DYRK1A: variants seen among roughly 807,000 people sequenced by gnomAD.
DYRK1A encodes the protein dual specificity tyrosine phosphorylation regulated kinase 1A.
In DYRK1A, 9 loss-of-function variants were observed where a neutral mutation model predicts 79.7. The observed-to-expected ratio is 0.11, with a 90% CI of 0.07 to 0.20. The LOEUF (loss-of-function observed/expected upper bound fraction) is 0.20. DYRK1A is among the 10% of genes least tolerant of loss of function. DYRK1A has a pLI of 1.00. For synonymous variants in DYRK1A, 349 were observed against 329.7 expected, an observed-to-expected ratio of 1.06 and a Z score of -0.63; for missense variants, 622 against 956.0, an observed-to-expected ratio of 0.65 and a Z score of 4.61.
chr21:37,495,192 GTGTGTGTGT>G (rs1569384157), intron 8 of DYRK1A, among the ~76,000 whole-genome samples: 70 of 125,366 alleles, frequency 5.6e-4, no homozygotes, highest in African/African-American at 2.0e-3. Context: ...GTGTGTGTGT[GTGTGTGTGT>G]GGTTATTTAA....
intron 4 of DYRK1A, among the ~76,000 whole-genome samples, chr21:37,479,612 GTTTTTTGTTTTT>G (rs1401422601): frequency 1.7e-4 from 8 of 47,158 alleles, no homozygotes; most frequent in African/African-American, 6.8e-4. Context: ...TTTTGTTTTT[GTTTTTTGTTTTT>G]TTTTTTTTTT....
intron 8 of DYRK1A, among the ~76,000 whole-genome samples, chr21:37,494,427 T>C (rs1175842389): frequency 6.6e-6 from 1 of 152,024 alleles, no homozygotes; most frequent in Admixed American, 6.6e-5. Flanking sequence ...TCTCTCCTTC[T>C]CCCCTCACTC....
At chr21:37,509,923 C>T (rs550366394) in intron 11 of DYRK1A, among the ~76,000 whole-genome samples, 3 of 152,306 alleles carry the variant, frequency 2.0e-5, no homozygotes, top group Non-Finnish European at 2.9e-5. Context: ...ATGAGTAGCA[C>T]GATGAAATCT....
rs2053915781 is a variant in DYRK1A at position 37,519,669 on chromosome 21, A to G, written c.*7138A>G. 6.7e-6 allele frequency: 1 copy of G among 150,176 alleles called. No homozygotes were observed. The highest frequency in any genetic ancestry group is 1.5e-5 in the Non-Finnish European group (1 of 67,754). The allele number at this position is 150,176 out of a possible 1,614,324, so 9.3% of individuals were successfully genotyped here. A position where few individuals can be genotyped will look rare whatever the true frequency, so the allele number is the denominator to read the frequency against. On this transcript the variant is annotated 3_prime_UTR_variant, in exon 12 of 12. Coordinates refer to ENST00000647188, the MANE Select transcript of DYRK1A (RefSeq NM_001347721.2). The stretch of plus-strand genomic sequence containing the variant: ...TGGGACTAGGTGTTAACATTCCTTT[A>G]CTAGTTGGTTTTGCATACCGCACAG...
intron 1 of DYRK1A, chr21:37,368,046 C>T (rs900912295): frequency 1.3e-5 from 2 of 153,040 alleles, no homozygotes; most frequent in Non-Finnish European, 2.9e-5. Context: ...GGGTGATTCG[C>T]AAGGACAATG....
chr21:37,385,449 G>C (rs1349296540), intron 1 of DYRK1A, among the ~76,000 whole-genome samples: 1 of 152,180 alleles, frequency 6.6e-6, no homozygotes, highest in Non-Finnish European at 1.5e-5. Context: ...TCAGTTTCTT[G>C]CCATGTGGTC....
chr21:37,457,623 CAG>C (rs761877487), intron 2 of DYRK1A, among the ~76,000 whole-genome samples: 24 of 152,126 alleles, frequency 1.6e-4, no homozygotes, highest in African/African-American at 3.9e-4. Flanking sequence ...TGTAAATAAT[CAG>C]TGTTTTAATT....
chr21:37,366,476 C>A (rs996006642), upstream of DYRK1A, among the ~76,000 whole-genome samples: 1 of 148,994 alleles, frequency 6.7e-6, no homozygotes, highest in Non-Finnish European at 1.5e-5. Flanking sequence ...GCCTCGCCCC[C>A]CCTTCCCCAG....
chr21:37,424,713 T>G (rs959093382), intron 2 of DYRK1A, among the ~76,000 whole-genome samples: 1 of 152,178 alleles, frequency 6.6e-6, no homozygotes, highest in Non-Finnish European at 1.5e-5. Flanking sequence ...GTATCTCTTA[T>G]TTTTAGGCAT....
At chr21:37,439,139 T>C (rs2051014141) in intron 2 of DYRK1A, among the ~76,000 whole-genome samples, 1 of 152,220 alleles carries the variant, frequency 6.6e-6, no homozygotes. Context: ...AAATATATCC[T>C]TGTATTCTGT....
intron 3 of DYRK1A, among the ~76,000 whole-genome samples, chr21:37,474,865 A>G (rs1040230732): frequency 8.5e-5 from 13 of 152,216 alleles, no homozygotes; most frequent in Non-Finnish European, 1.9e-4. Context: ...CTTAAATTCT[A>G]GTACCCTGGA....
intron 1 of DYRK1A, among the ~76,000 whole-genome samples, chr21:37,376,896 C>G (rs2049553791): frequency 6.6e-6 from 1 of 152,044 alleles, no homozygotes; most frequent in Non-Finnish European, 1.5e-5. Flanking sequence ...AATAACTGTT[C>G]AGTTTTTCCT....
Position 37,512,481 on chromosome 21 carries a change from T to TC in DYRK1A, c.2220dup (p.Met741HisfsTer13), listed in dbSNP as rs2053783768. ...GAGGCAAGGGGCTGATAGAGAAGAG[T>TC]CCCCCATGACAGGAGTTTGTGTGCA... On this transcript the variant is annotated frameshift_variant, in exon 12 of 12. Coordinates refer to ENST00000647188, the MANE Select transcript of DYRK1A (RefSeq NM_001347721.2). LOFTEE classifies it high-confidence loss of function. The TC allele has an allele frequency of 2.5e-6, 4 of 1,613,832 alleles. No homozygotes were observed. Among genetic ancestry groups the TC allele is most frequent in the Admixed American group, 3.3e-5 (2 of 59,988 alleles).
At chr21:37,397,490 A>G (rs1417885291) in intron 1 of DYRK1A, among the ~76,000 whole-genome samples, 1 of 152,124 alleles carries the variant, frequency 6.6e-6, no homozygotes, top group East Asian at 1.9e-4. Flanking sequence ...AGTTTGCTAC[A>G]CTCTGGTTTC....
rs2053925094 is a variant in DYRK1A at position 37,520,225 on chromosome 21, C to G, written c.*7694C>G. 1 of 152,172 alleles carries G rather than the reference C, an allele frequency of 6.6e-6. No homozygotes were observed. Among genetic ancestry groups the G allele is most frequent in the Admixed American group, 6.5e-5 (1 of 15,274 alleles). The allele number at this position is 152,172 out of a possible 1,614,324, so 9.4% of individuals were successfully genotyped here. ...CACGCATCCAGGGGCCAGTCCCCACCCTTTGCTCCCACTCCAAGGAAAGTC... is the reference window on the plus strand; with the variant it reads ...CACGCATCCAGGGGCCAGTCCCCACGCTTTGCTCCCACTCCAAGGAAAGTC... On this transcript the variant is annotated 3_prime_UTR_variant, in exon 12 of 12. Transcript: ENST00000647188.
intron 2 of DYRK1A, 85 bp downstream of exon 2, chr21:37,420,469 A>T: frequency 7.2e-7 from 1 of 1,395,788 alleles, no homozygotes; most frequent in East Asian, 2.3e-5. Flanking sequence ...GAGGTTTCTG[A>T]TAAATAGCAG....
intron 9 of DYRK1A, chr21:37,503,682 G>GT (rs1416621257): frequency 1.3e-5 from 2 of 152,262 alleles, no homozygotes; most frequent in Non-Finnish European, 2.9e-5. Context: ...CTCAACCTGG[G>GT]TGTAGAGACA....
intron 9 of DYRK1A, among the ~76,000 whole-genome samples, chr21:37,497,002 T>G (rs1214080306): frequency 6.6e-6 from 1 of 152,208 alleles, no homozygotes; most frequent in Non-Finnish European, 1.5e-5. Context: ...GGTCCTAGTA[T>G]TGAATGAATG....
Position 37,485,519 on chromosome 21 carries a change from G to A in DYRK1A, c.490-948G>A, listed in dbSNP as rs571138403. Among the ~76,000 whole-genome samples, 19 of 152,178 alleles carry A rather than the reference G, an allele frequency of 1.2e-4. No homozygotes were observed. In the South Asian group the frequency reaches 4.0e-3, roughly 32 times the overall value. On this transcript the variant is annotated intron_variant, in intron 5 of 11. Coordinates refer to ENST00000647188, the MANE Select transcript of DYRK1A (RefSeq NM_001347721.2). Reference sequence around the variant, plus strand: ...AGAACATACGTTTCATCCTCTTCCTGACCTTATGGTTTCATCCTGCACCTT... The same window carrying A: ...AGAACATACGTTTCATCCTCTTCCTAACCTTATGGTTTCATCCTGCACCTT...
Sources: gnomAD v4.1 joint callset for allele counts (sites outside exome capture counted in the v4.1 genomes callset) on GRCh38, gnomAD v4.1.1 for gene constraint, MANE v1.5 for transcripts, NCBI Gene and HGNC (gene_info 2026-07-23, HGNC 2026-07-21) for gene names.